Variants in CD47 observed in about 807,000 individuals in gnomAD.
CD47 encodes the protein CD47 molecule.
A neutral mutation model predicts 44.6 loss-of-function variants in CD47; 11 were observed. The ratio of observed to expected loss-of-function variants is 0.25; its 90% confidence interval spans 0.16 to 0.41. The LOEUF is 0.41. CD47 is among the 10% of genes least tolerant of loss of function. CD47 has a pLI of 1.00. For synonymous variants in CD47, 140 were observed against 136.3 expected (o/e 1.03, Z -0.19); for missense variants, 306 against 386.7 (o/e 0.79, Z 1.75).
At chr3:108,060,439 G>C (rs2078989662) in intron 4 of CD47, among the ~76,000 whole-genome samples, 1 of 152,186 alleles carries the variant, frequency 6.6e-6, no homozygotes. Context: ...TGACCAGAGA[G>C]GCAGAGGGTG....
chr3:108,070,663 A>G (rs1323264289), intron 3 of CD47, among the ~76,000 whole-genome samples: 2 of 152,216 alleles, frequency 1.3e-5, no homozygotes, highest in African/African-American at 2.4e-5. Context: ...ACACGTGTAC[A>G]CAGAGAAAAT....
Position 108,071,109 on chromosome 3 carries a change from TC to T in CD47, c.473del (p.Gly158AspfsTer27). On this transcript the variant is annotated frameshift_variant, in exon 3 of 11. Transcript: ENST00000361309. LOFTEE classifies it high-confidence loss of function. The part of the protein sequence containing the change: ...FPIFAILLFW[G>X]QFGIKTLKYR... ...AATACTTACTTTTAATACCAAACTG[TC>T]CCCAGAACAGGAGTATAGCAAAAAT... 7.2e-7 allele frequency: 1 copy of T among 1,397,730 alleles called. No homozygotes were observed. Among genetic ancestry groups the T allele is most frequent in the Non-Finnish European group, 9.9e-7 (1 of 1,007,558 alleles). The allele number at this position is 1,397,730 out of a possible 1,614,324, so 86.6% of individuals were successfully genotyped here.
At chr3:108,079,903 G>C (rs576449797) in intron 2 of CD47, 88 bp downstream of exon 2, 4 of 744,564 alleles carry the variant, frequency 5.4e-6, no homozygotes, top group Middle Eastern at 2.5e-4. Context: ...TGATTCAAAG[G>C]AGTACCTATC....
At position 108,048,371 on chromosome 3, in the gene CD47, G is replaced by GTTTTTT. The variant is rs146476512; in HGVS notation, c.968-1085_968-1080dup. On this transcript the variant is annotated intron_variant, in intron 10 of 10. Transcript: ENST00000361309. ...TTGTTCACCAATGCATGACTGGAGT[G>GTTTTTT]TTTTTTTTTTTTTTTTTTTTTTTTT... Among the ~76,000 whole-genome samples the GTTTTTT allele has an allele frequency of 3.0e-4, 24 of 79,600 alleles. 2 individuals are homozygous for GTTTTTT. The highest frequency in any genetic ancestry group is 1.5e-3 in the East Asian group (3 of 2,020). 52.2% of individuals were successfully genotyped at this position (79,600 alleles called of 152,430 possible). A position where few individuals can be genotyped will look rare whatever the true frequency, so the allele number is the denominator to read the frequency against.
intron 3 of CD47, among the ~76,000 whole-genome samples, chr3:108,066,564 C>T (rs1263541472): frequency 1.3e-5 from 2 of 152,196 alleles, no homozygotes; most frequent in African/African-American, 4.8e-5. Context: ...ATATTTAGGT[C>T]ATGCACAGAC....
intron 2 of CD47, among the ~76,000 whole-genome samples, chr3:108,074,900 G>A (rs527584658): frequency 1.3e-5 from 2 of 152,014 alleles, no homozygotes; most frequent in East Asian, 3.9e-4. Flanking sequence ...AGATGCTGGG[G>A]GAAAAAAACC....
chr3:108,072,074 G>C (rs1007887803), intron 2 of CD47, among the ~76,000 whole-genome samples: 1 of 152,304 alleles, frequency 6.6e-6, no homozygotes, highest in Admixed American at 6.5e-5. Context: ...TAAGATTTGT[G>C]AGAACTTTTA....
intron 1 of CD47, among the ~76,000 whole-genome samples, chr3:108,085,635 T>C (rs2079505532): frequency 6.6e-6 from 1 of 152,170 alleles, no homozygotes; most frequent in African/African-American, 2.4e-5. Flanking sequence ...GTTGTCACTG[T>C]ACCTACTACT....
At position 108,065,767 on chromosome 3, in the gene CD47, ACG is replaced by A. The variant is rs1383755649; in HGVS notation, c.491-4917_491-4916del. ...GCGGAGGTTGCAGTGAGCCGAGATC[ACG>A]CCACTGCACTCCAGCCTGGGCAACA... On this transcript the variant is annotated intron_variant, in intron 3 of 10. Coordinates refer to ENST00000361309, the MANE Select transcript of CD47 (RefSeq NM_001777.4). Among the ~76,000 whole-genome samples the A allele has an allele frequency of 3.7e-5, 5 of 134,900 alleles. No individual in the cohort carries two copies. In the Admixed American group the frequency reaches 4.3e-4, roughly 12 times the overall value. The allele number at this position is 134,900 out of a possible 152,430, so 88.5% of individuals were successfully genotyped here. A position where few individuals can be genotyped will look rare whatever the true frequency, so the allele number is the denominator to read the frequency against.
At chr3:108,069,769 G>A (rs1032300570) in intron 3 of CD47, among the ~76,000 whole-genome samples, 2 of 152,068 alleles carry the variant, frequency 1.3e-5, no homozygotes, top group Non-Finnish European at 2.9e-5. Context: ...GAAAAAGGCT[G>A]TTCCCTGCCC....
At chr3:108,061,574 A>C (rs763224381) in intron 3 of CD47, among the ~76,000 whole-genome samples, 2 of 152,206 alleles carry the variant, frequency 1.3e-5, no homozygotes, top group Non-Finnish European at 2.9e-5. Flanking sequence ...TTCATCATAC[A>C]TGTTATTGTT....
At chr3:108,062,535 T>C (rs2079032105) in intron 3 of CD47, among the ~76,000 whole-genome samples, 1 of 152,058 alleles carries the variant, frequency 6.6e-6, no homozygotes, top group Non-Finnish European at 1.5e-5. Flanking sequence ...AGTCAATGCA[T>C]AAAAAAGCTA....
chr3:108,090,772 A>T, intron 1 of CD47, 91 bp downstream of exon 1: 2 of 1,228,302 alleles, frequency 1.6e-6, no homozygotes, highest in East Asian at 3.2e-5. Flanking sequence ...CACCCTCTTC[A>T]GGGCGCCGCC....
At chr3:108,084,340 C>T (rs2079477157) in intron 1 of CD47, among the ~76,000 whole-genome samples, 1 of 151,970 alleles carries the variant, frequency 6.6e-6, no homozygotes, top group African/African-American at 2.4e-5. Context: ...TCTTGCTCTT[C>T]TCTCTTGGCC....
At chr3:108,049,408 G>A (rs2078783458) in intron 10 of CD47, among the ~76,000 whole-genome samples, 1 of 152,186 alleles carries the variant, frequency 6.6e-6, no homozygotes, top group African/African-American at 2.4e-5. Context: ...TATGACTGGA[G>A]TCTGATTCGT....
chr3:108,089,452 T>G (rs1450742313), intron 1 of CD47, among the ~76,000 whole-genome samples: 1 of 152,232 alleles, frequency 6.6e-6, no homozygotes, highest in Non-Finnish European at 1.5e-5. Flanking sequence ...TTTATACTTT[T>G]TACTTTTTAG....
Position 108,048,371 on chromosome 3 carries a change from GTTTTTTTTTTTT to G in CD47, c.968-1091_968-1080del, listed in dbSNP as rs146476512. Among the ~76,000 whole-genome samples, 465 of 79,606 alleles carry G rather than the reference GTTTTTTTTTTTT, an allele frequency of 5.8e-3. 2 individuals are homozygous for G. Among genetic ancestry groups the G allele is most frequent in the African/African-American group, 0.022 (431 of 19,950 alleles). The allele number at this position is 79,606 out of a possible 152,430, so 52.2% of individuals were successfully genotyped here. The stretch of plus-strand genomic sequence containing the variant: ...TTGTTCACCAATGCATGACTGGAGT[GTTTTTTTTTTTT>G]TTTTTTTTTTTTTTTTCTTGAGACG... On this transcript the variant is annotated intron_variant, in intron 10 of 10. Coordinates refer to ENST00000361309, the MANE Select transcript of CD47 (RefSeq NM_001777.4).
intron 2 of CD47, among the ~76,000 whole-genome samples, chr3:108,079,216 A>G (rs1043768044): frequency 2.0e-5 from 3 of 151,984 alleles, no homozygotes; most frequent in Admixed American, 6.6e-5. Context: ...TTCAAAACAG[A>G]AAGAACATAC....
intron 4 of CD47, 139 bp downstream of exon 4, chr3:108,060,606 G>A (rs2078993785): frequency 3.3e-6 from 2 of 611,588 alleles, no homozygotes; most frequent in Admixed American, 5.6e-5. Flanking sequence ...CTCCAGCATG[G>A]AAAGGGAATT....
Sources: allele counts gnomAD v4.1 joint callset (sites outside exome capture counted in the v4.1 genomes callset), GRCh38; gene constraint gnomAD v4.1.1; transcripts MANE v1.5; gene names NCBI Gene and HGNC (gene_info 2026-07-23, HGNC 2026-07-21).